Variants in INSYN2A observed in about 807,000 individuals in gnomAD.
INSYN2A encodes inhibitory synaptic factor 2A.
In INSYN2A, 17 loss-of-function variants were observed where a neutral mutation model predicts 39.4. The ratio of observed to expected loss-of-function variants is 0.43; its 90% confidence interval spans 0.30 to 0.65. INSYN2A has a LOEUF of 0.65. INSYN2A is among the 30% of genes least tolerant of loss of function. The pLI is 0.14. For missense variants in INSYN2A, 595 were observed against 631.2 expected (o/e 0.94, Z 0.61); for synonymous variants, 255 against 265.7 (o/e 0.96, Z 0.39).
chr10:127,147,218 C>T (rs139253756), intron 5 of INSYN2A, among the ~76,000 whole-genome samples: 57 of 152,268 alleles, frequency 3.7e-4, no homozygotes, highest in African/African-American at 1.3e-3. Flanking sequence ...TTGTGGTGGA[C>T]TGGGATGTTC....
At chr10:127,144,866 G>C (rs540137281) in intron 5 of INSYN2A, among the ~76,000 whole-genome samples, 7 of 152,098 alleles carry the variant, frequency 4.6e-5, no homozygotes, top group Non-Finnish European at 8.8e-5. Flanking sequence ...CAGAATAAAT[G>C]GCTAATCCAT....
At chr10:127,171,252 G>A (rs568918678) in intron 4 of INSYN2A, among the ~76,000 whole-genome samples, 56 of 152,332 alleles carry the variant, frequency 3.7e-4, no homozygotes, top group Non-Finnish European at 6.3e-4. Flanking sequence ...TACTGAGAGC[G>A]GTTGTAGCCA....
At chr10:127,151,922 C>A (rs1240713420) in intron 5 of INSYN2A, among the ~76,000 whole-genome samples, 1 of 152,154 alleles carries the variant, frequency 6.6e-6, no homozygotes, top group Admixed American at 6.5e-5. Flanking sequence ...CTTATTCAGT[C>A]ACTTTTAATG....
chr10:127,139,166 A>AT (rs2050987001), intron 5 of INSYN2A, among the ~76,000 whole-genome samples: 1 of 152,216 alleles, frequency 6.6e-6, no homozygotes, highest in South Asian at 2.1e-4. Context: ...AGCTCATAAC[A>AT]TTTTATAACC....
chr10:127,189,837 T>C lies in INSYN2A; in HGVS notation c.-269+2768A>G, dbSNP rs1341753086. On this transcript the variant is annotated intron_variant, in intron 2 of 5. Transcript: ENST00000522781. ...TTACGCAAGGAAAAAAAGACAAAAA[T>C]AATCTTTATGCAGCGCTGTCATTGA... Among the ~76,000 whole-genome samples, 2 of 152,228 alleles carry C rather than the reference T, an allele frequency of 1.3e-5. 1 individual carries two copies. The highest frequency in any genetic ancestry group is 3.9e-4 in the East Asian group (2 of 5,178).
chr10:127,194,324 A>G (rs1266273443), intron 1 of INSYN2A, among the ~76,000 whole-genome samples: 1 of 152,210 alleles, frequency 6.6e-6, no homozygotes, highest in Non-Finnish European at 1.5e-5. Context: ...TGGATAGTAA[A>G]TGATTAATAT....
At chr10:127,148,150 G>A (rs1336164658) in intron 5 of INSYN2A, among the ~76,000 whole-genome samples, 1 of 151,790 alleles carries the variant, frequency 6.6e-6, no homozygotes, top group Non-Finnish European at 1.5e-5. Flanking sequence ...CCTCTCTGAT[G>A]TCAGACAAGT....
At chr10:127,150,015 G>T (rs1004842259) in intron 5 of INSYN2A, among the ~76,000 whole-genome samples, 2 of 152,184 alleles carry the variant, frequency 1.3e-5, no homozygotes, top group Non-Finnish European at 2.9e-5. Context: ...TGTTTCTACA[G>T]ATTCATATGC....
intron 4 of INSYN2A, among the ~76,000 whole-genome samples, chr10:127,160,228 G>A (rs556620081): frequency 6.6e-6 from 1 of 152,288 alleles, no homozygotes; most frequent in Admixed American, 6.5e-5. Context: ...TTAGCAAGTG[G>A]AAACTAATTT....
At chr10:127,140,608 A>G (rs1416644361) in intron 5 of INSYN2A, among the ~76,000 whole-genome samples, 1 of 152,076 alleles carries the variant, frequency 6.6e-6, no homozygotes, top group East Asian at 1.9e-4. Flanking sequence ...GGGGAAGCAC[A>G]CCAAGTCTCT....
chr10:127,185,410 C>A (rs1335871515), intron 2 of INSYN2A, among the ~76,000 whole-genome samples: 3 of 152,150 alleles, frequency 2.0e-5, no homozygotes, highest in Non-Finnish European at 4.4e-5. Flanking sequence ...CCTGTAATCC[C>A]AGCTACTTGG....
chr10:127,194,913 C>A (rs2056999646), intron 1 of INSYN2A, among the ~76,000 whole-genome samples: 1 of 152,208 alleles, frequency 6.6e-6, no homozygotes, highest in Admixed American at 6.5e-5. Flanking sequence ...CGCTTCACCG[C>A]TGCTTCTGGC....
At chr10:127,156,861 C>T (rs894559012) in intron 4 of INSYN2A, among the ~76,000 whole-genome samples, 1 of 152,196 alleles carries the variant, frequency 6.6e-6, no homozygotes, top group Admixed American at 6.5e-5. Context: ...TGCCACCATG[C>T]CTGGCCCGAG....
intron 4 of INSYN2A, among the ~76,000 whole-genome samples, chr10:127,172,194 C>T (rs929946733): frequency 6.6e-6 from 1 of 152,170 alleles, no homozygotes; most frequent in African/African-American, 2.4e-5. Flanking sequence ...GTGAATCCCT[C>T]GTTCTAAAGT....
At chr10:127,173,721 C>G (rs1345171617) in intron 4 of INSYN2A, among the ~76,000 whole-genome samples, 1 of 152,166 alleles carries the variant, frequency 6.6e-6, no homozygotes, top group Non-Finnish European at 1.5e-5. Context: ...GACTACTGAT[C>G]AGTAAATCAC....
intron 2 of INSYN2A, among the ~76,000 whole-genome samples, chr10:127,190,665 T>C (rs1185882): frequency 0.035 from 1,396 of 40,234 alleles, 267 homozygotes; most frequent in East Asian, 0.15. Flanking sequence ...AATCCTATCT[T>C]CCCCCCCCCC....
intron 4 of INSYN2A, among the ~76,000 whole-genome samples, chr10:127,155,829 G>C (rs2052989010): frequency 6.6e-6 from 1 of 152,156 alleles, no homozygotes; most frequent in Non-Finnish European, 1.5e-5. Context: ...AGGTCATTTT[G>C]CACAGTGAAG....
chr10:127,150,538 C>T (rs546847405), intron 5 of INSYN2A, among the ~76,000 whole-genome samples: 1 of 152,348 alleles, frequency 6.6e-6, no homozygotes, highest in South Asian at 2.1e-4. Context: ...TGCTGGGACC[C>T]TTAACTAACT....
intron 4 of INSYN2A, among the ~76,000 whole-genome samples, chr10:127,156,575 T>C (rs2053097079): frequency 7.1e-6 from 1 of 141,628 alleles, no homozygotes; most frequent in Non-Finnish European, 1.5e-5. Flanking sequence ...TTTTTTTTTT[T>C]TTTTTTTTTG....
Sources: allele counts gnomAD v4.1 joint callset (sites outside exome capture counted in the v4.1 genomes callset), GRCh38; gene constraint gnomAD v4.1.1; transcripts MANE v1.5; gene names NCBI Gene and HGNC (gene_info 2026-07-23, HGNC 2026-07-21).